The following GALNTL6 variants were observed in gnomAD, a reference collection of about 807,000 sequenced individuals.
GALNTL6 encodes polypeptide N-acetylgalactosaminyltransferase-like 6.
GALNTL6 carries 46 observed loss-of-function variants against 73.7 expected under a neutral mutation model. The ratio of observed to expected loss-of-function variants is 0.62; its 90% CI spans 0.49 to 0.80. The LOEUF (loss-of-function observed/expected upper bound fraction) is 0.80. GALNTL6 is among the 30% of genes least tolerant of loss of function. The pLI, the probability that GALNTL6 is intolerant of heterozygous loss-of-function variation, is 0.00. For missense variants in GALNTL6, 604 were observed against 755.0 expected (o/e 0.80, Z 2.34); for synonymous variants, 259 against 263.7 (o/e 0.98, Z 0.17).
At chr4:172,979,211 A>G (rs1270311519) in intron 10 of GALNTL6, among the ~76,000 whole-genome samples, 2 of 152,206 alleles carry the variant, frequency 1.3e-5, no homozygotes, top group Non-Finnish European at 2.9e-5. Context: ...ATGAATGCAG[A>G]ATTACCCAAA....
At chr4:172,941,209 C>A (rs1748903365) in intron 9 of GALNTL6, among the ~76,000 whole-genome samples, 1 of 152,076 alleles carries the variant, frequency 6.6e-6, no homozygotes, top group Non-Finnish European at 1.5e-5. Context: ...CAGGTAGTCC[C>A]CAAGCTATGG....
intron 5 of GALNTL6, among the ~76,000 whole-genome samples, chr4:172,694,791 G>A (rs1173591329): frequency 6.6e-6 from 1 of 152,160 alleles, no homozygotes; most frequent in Admixed American, 6.6e-5. Flanking sequence ...TTCCTCCAGT[G>A]ATAAAATATA....
chr4:171,932,914 A>G (rs893116624), intron 2 of GALNTL6, among the ~76,000 whole-genome samples: 3 of 152,168 alleles, frequency 2.0e-5, no homozygotes, highest in African/African-American at 7.2e-5. Context: ...TACCTTTTCC[A>G]GGTGTCTTAA....
At chr4:172,715,900 T>C (rs556204335) in intron 5 of GALNTL6, among the ~76,000 whole-genome samples, 1 of 152,302 alleles carries the variant, frequency 6.6e-6, no homozygotes, top group East Asian at 1.9e-4. Flanking sequence ...TGTTACTTCA[T>C]GAAGTAATTG....
Position 172,809,650 on chromosome 4 carries a change from A to G in GALNTL6, c.739+104A>G, listed in dbSNP as rs1579510778. 19 of 855,432 alleles carry G rather than the reference A, an allele frequency of 2.2e-5. No homozygotes were observed. In the East Asian group the frequency reaches 4.3e-4, roughly 19 times the overall value. The allele number at this position is 855,432 out of a possible 1,614,324, so 53.0% of individuals were successfully genotyped here. On this transcript the variant is annotated intron_variant, in intron 6 of 12. Transcript: ENST00000506823. The surrounding 1 kb of genome is among the most constrained non-coding windows in gnomAD (Gnocchi z 4.4). ...GCAAACACTAGAGGTCCCTTCTACA[A>G]GTTTTCCAGGGGAAGCCTTGAATTT...
intron 3 of GALNTL6, among the ~76,000 whole-genome samples, chr4:172,249,925 C>T (rs1737796977): frequency 6.6e-6 from 1 of 152,164 alleles, no homozygotes; most frequent in Non-Finnish European, 1.5e-5. Flanking sequence ...GGTTGGAGCC[C>T]CCACACAGAG....
At chr4:172,957,994 T>C (rs1456731687) in intron 10 of GALNTL6, among the ~76,000 whole-genome samples, 1 of 152,006 alleles carries the variant, frequency 6.6e-6, no homozygotes, top group Non-Finnish European at 1.5e-5. Flanking sequence ...AGAGATACAG[T>C]CATGGGGGTC....
intron 2 of GALNTL6, among the ~76,000 whole-genome samples, chr4:171,837,550 AAT>A (rs1233142946): frequency 6.1e-5 from 9 of 147,492 alleles, no homozygotes; most frequent in African/African-American, 9.9e-5. Context: ...CAGAAAAAAA[AAT>A]ATATAAATAC....
Position 171,826,002 on chromosome 4 carries a change from T to C in GALNTL6, c.138+11284T>C, listed in dbSNP as rs117136354. On this transcript the variant is annotated intron_variant, in intron 2 of 12. Transcript: ENST00000506823. The stretch of plus-strand genomic sequence containing the variant: ...TATTCCAAACTACGCAACCAGAAAG[T>C]AAATATAGCTTAGTTGTGTCACCTT... Among the ~76,000 whole-genome samples, 150 of 152,274 alleles carry C rather than the reference T, an allele frequency of 9.9e-4. 2 individuals carry two copies. The East Asian group carries it at 0.026, about 27-fold the overall frequency.
chr4:172,247,186 CA>C (rs1447694507), intron 3 of GALNTL6, among the ~76,000 whole-genome samples: 7 of 152,086 alleles, frequency 4.6e-5, no homozygotes, highest in African/African-American at 1.4e-4. Context: ...ATACTAATGT[CA>C]GTATTATTTT....
intron 5 of GALNTL6, among the ~76,000 whole-genome samples, chr4:172,430,858 A>G (rs976091857): frequency 6.6e-6 from 1 of 152,152 alleles, no homozygotes; most frequent in Non-Finnish European, 1.5e-5. Flanking sequence ...AAATTATTTT[A>G]TGAGTTGAAA....
chr4:172,516,534 G>A (rs1734612799), intron 5 of GALNTL6, among the ~76,000 whole-genome samples: 1 of 151,854 alleles, frequency 6.6e-6, no homozygotes, highest in Admixed American at 6.6e-5. Context: ...TCGTTCCAAC[G>A]TAAAAGATTT....
At chr4:172,799,618 G>C (rs1470601093) in intron 5 of GALNTL6, among the ~76,000 whole-genome samples, 1 of 152,126 alleles carries the variant, frequency 6.6e-6, no homozygotes, top group South Asian at 2.1e-4. Flanking sequence ...TACAAAAAGA[G>C]TCAAAAGGAC....
chr4:172,751,455 C>G (rs538014427), intron 5 of GALNTL6, among the ~76,000 whole-genome samples: 8 of 152,268 alleles, frequency 5.3e-5, no homozygotes, highest in African/African-American at 1.9e-4. Context: ...AACTATTTCA[C>G]TAATCTTTCT....
intron 2 of GALNTL6, among the ~76,000 whole-genome samples, chr4:172,098,443 G>A (rs1732420816): frequency 6.6e-6 from 1 of 152,020 alleles, no homozygotes; most frequent in South Asian, 2.1e-4. Flanking sequence ...GGATAATTCA[G>A]GAACACAGTC....
intron 9 of GALNTL6, among the ~76,000 whole-genome samples, chr4:172,947,619 A>G (rs1372809950): frequency 1.3e-5 from 2 of 151,374 alleles, no homozygotes; most frequent in African/African-American, 4.9e-5. Flanking sequence ...AGGTCCACCA[A>G]TGTCCATTCA....
intron 5 of GALNTL6, among the ~76,000 whole-genome samples, chr4:172,439,542 A>G (rs1053741405): frequency 1.3e-5 from 2 of 151,428 alleles, no homozygotes; most frequent in Non-Finnish European, 2.9e-5. Flanking sequence ...GTTGTTGATC[A>G]TCTTCTCTTT....
chr4:172,212,910 A>G (rs2110930343), intron 2 of GALNTL6, among the ~76,000 whole-genome samples: 1 of 152,194 alleles, frequency 6.6e-6, no homozygotes, highest in African/African-American at 2.4e-5. Context: ...ACCTCAAGTG[A>G]TCCGCCTACC....
chr4:172,582,558 T>C (rs76476500), intron 5 of GALNTL6, among the ~76,000 whole-genome samples: 2,440 of 152,276 alleles, frequency 0.016, 59 homozygotes, highest in African/African-American at 0.055. Context: ...CATGACCCTT[T>C]TATAAAGATT....
Sources: gnomAD v4.1 joint callset for allele counts (sites outside exome capture counted in the v4.1 genomes callset) on GRCh38, gnomAD v4.1.1 for gene constraint, Gnocchi (gnomAD v3.1) non-coding constraint, MANE v1.5 for transcripts, NCBI Gene and HGNC (gene_info 2026-07-23, HGNC 2026-07-21) for gene names.